IMMP2L: variants seen among roughly 807,000 people sequenced by gnomAD.
The protein encoded by IMMP2L is inner mitochondrial membrane peptidase subunit 2, also known as mitochondrial inner membrane protease subunit 2.
A neutral mutation model predicts 19.3 loss-of-function variants in IMMP2L; 18 were observed. That is an observed-to-expected ratio of 0.93 (90% CI 0.64 to 1.38). IMMP2L has a LOEUF of 1.38. Ranked by LOEUF, IMMP2L falls within the 40% of genes most tolerant of loss-of-function variation. IMMP2L has a pLI of 0.00. For synonymous variants in IMMP2L, 76 were observed against 73.0 expected (o/e 1.04, Z -0.21); for missense variants, 233 against 218.2 (o/e 1.07, Z -0.43).
At chr7:110,759,460 G>T (rs946698242) in intron 5 of IMMP2L, among the ~76,000 whole-genome samples, 2 of 152,086 alleles carry the variant, frequency 1.3e-5, no homozygotes, top group African/African-American at 2.4e-5. Context: ...GAAAGATATG[G>T]ACTAAATGGA....
At chr7:111,207,542 T>A (rs1189704113) in intron 3 of IMMP2L, among the ~76,000 whole-genome samples, 2 of 142,242 alleles carry the variant, frequency 1.4e-5, no homozygotes, top group African/African-American at 5.2e-5. Context: ...TGGTTTTTTT[T>A]TTTTTTTTTT....
intron 3 of IMMP2L, among the ~76,000 whole-genome samples, chr7:111,004,295 C>A (rs971827010): frequency 7.2e-5 from 11 of 152,122 alleles, no homozygotes; most frequent in African/African-American, 2.4e-4. Flanking sequence ...CTCCCCCGCT[C>A]AGCCTCCTGA....
At chr7:110,868,311 A>G (rs1294719607) in intron 5 of IMMP2L, among the ~76,000 whole-genome samples, 1 of 152,042 alleles carries the variant, frequency 6.6e-6, no homozygotes, top group African/African-American at 2.4e-5. Context: ...GAAACAAAAG[A>G]GGCATGAAAT....
At chr7:110,999,947 C>T (rs1336443189) in intron 3 of IMMP2L, among the ~76,000 whole-genome samples, 1 of 152,050 alleles carries the variant, frequency 6.6e-6, no homozygotes, top group Non-Finnish European at 1.5e-5. Context: ...GAGTGAGAAA[C>T]TCCCTCAATT....
At position 111,272,999 on chromosome 7, in the gene IMMP2L, T is replaced by A. The variant is rs570566344; in HGVS notation, c.239+214239A>T. Reference sequence around the variant, plus strand: ...AAACACCTAGATCAAAGTCCAGAAATTAAAAATAGCTCAGCATCCTGTAAT... The same window carrying A: ...AAACACCTAGATCAAAGTCCAGAAAATAAAAATAGCTCAGCATCCTGTAAT... On this transcript the variant is annotated intron_variant, in intron 3 of 5. Coordinates refer to ENST00000405709, the MANE Select transcript of IMMP2L (RefSeq NM_032549.4). 3.3e-5 allele frequency among the ~76,000 whole-genome samples: 5 copies of A among 151,964 alleles called. No individual in the cohort carries two copies. The East Asian group carries it at 9.7e-4, about 29-fold the overall frequency.
At chr7:111,168,528 G>A (rs1375607675) in intron 3 of IMMP2L, among the ~76,000 whole-genome samples, 1 of 151,490 alleles carries the variant, frequency 6.6e-6, no homozygotes, top group African/African-American at 2.4e-5. Flanking sequence ...ATTTTTTGGG[G>A]GCAAATATAC....
intron 5 of IMMP2L, among the ~76,000 whole-genome samples, chr7:110,691,608 A>G (rs1793510206): frequency 6.6e-6 from 1 of 152,096 alleles, no homozygotes. Context: ...CAAACAAATT[A>G]GCAAGAAAAA....
intron 3 of IMMP2L, among the ~76,000 whole-genome samples, chr7:111,103,238 T>C (rs1477343946): frequency 6.6e-6 from 1 of 151,686 alleles, no homozygotes; most frequent in South Asian, 2.1e-4. Context: ...TGCAGATTTA[T>C]GGTTAATAAT....
chr7:110,773,034 T>C (rs1041292453), intron 5 of IMMP2L, among the ~76,000 whole-genome samples: 11 of 152,102 alleles, frequency 7.2e-5, no homozygotes, highest in Non-Finnish European at 1.6e-4. Context: ...CAATTTAACT[T>C]TAAAGCATTG....
intron 3 of IMMP2L, among the ~76,000 whole-genome samples, chr7:111,131,822 C>A (rs1239927762): frequency 6.6e-6 from 1 of 151,586 alleles, no homozygotes; most frequent in Non-Finnish European, 1.5e-5. Context: ...ACTATATATT[C>A]ATATAGTTAA....
intron 4 of IMMP2L, among the ~76,000 whole-genome samples, chr7:110,935,262 G>C (rs1815976204): frequency 6.6e-6 from 1 of 152,150 alleles, no homozygotes. Flanking sequence ...ATGAAGCTTA[G>C]TTTGGGTGAA....
intron 5 of IMMP2L, among the ~76,000 whole-genome samples, chr7:110,742,635 G>A (rs113594700): frequency 7.9e-5 from 12 of 151,924 alleles, no homozygotes; most frequent in African/African-American, 2.7e-4. Context: ...GGGCAGAGTG[G>A]TGGGCACCTG....
chr7:110,981,156 C>G (rs568536037), intron 3 of IMMP2L, among the ~76,000 whole-genome samples: 1 of 151,958 alleles, frequency 6.6e-6, no homozygotes, highest in Non-Finnish European at 1.5e-5. Flanking sequence ...ACTTTCCATA[C>G]TGTGTGTTTG....
intron 2 of IMMP2L, 89 bp downstream of exon 2, chr7:111,521,224 G>A: frequency 7.4e-7 from 1 of 1,359,230 alleles, no homozygotes; most frequent in Non-Finnish European, 1.0e-6. Context: ...TCAGTTCCCA[G>A]AATAGGAATA....
At chr7:111,100,069 T>A (rs1732436343) in intron 3 of IMMP2L, 1 of 151,712 alleles carries the variant, frequency 6.6e-6, no homozygotes. Flanking sequence ...AAGGTCCTGA[T>A]TTGAACCCTG....
chr7:111,541,122 A>G (rs1013754798), intron 1 of IMMP2L, among the ~76,000 whole-genome samples: 2 of 152,154 alleles, frequency 1.3e-5, no homozygotes, highest in Non-Finnish European at 2.9e-5. Flanking sequence ...ATTATCTATG[A>G]TTCTATGATT....
rs1842736430 is a variant in IMMP2L, at chr7:111,487,284, T to G, written c.193A>C (p.Lys65Gln). Residue 65 changes from lysine (K) to glutamine (Q), a missense_variant, in exon 3 of 6, where the codon AAA becomes CAA. Coordinates refer to ENST00000405709, the MANE Select transcript of IMMP2L (RefSeq NM_032549.4). ...CGGTGTACTTCAAAATTCCTCACTT[T>G]CCAGTGGTTCAAAAGCACCACATCA... Reference protein sequence around the residue: ...SSDVVLLNHWKVRNFEVHRGD... With the variant: ...SSDVVLLNHWQVRNFEVHRGD... 1 of 1,610,270 alleles carries G rather than the reference T, an allele frequency of 6.2e-7. No individual in the cohort carries two copies. Among genetic ancestry groups the G allele is most frequent in the Non-Finnish European group, 8.5e-7 (1 of 1,176,792 alleles).
At chr7:110,926,502 A>G (rs1232603677) in intron 4 of IMMP2L, among the ~76,000 whole-genome samples, 1 of 152,146 alleles carries the variant, frequency 6.6e-6, no homozygotes, top group Non-Finnish European at 1.5e-5. Context: ...ATTCTTGTCA[A>G]GAAATATAAT....
chr7:111,111,674 T>A (rs577631850), intron 3 of IMMP2L, among the ~76,000 whole-genome samples: 1 of 151,830 alleles, frequency 6.6e-6, no homozygotes, highest in Non-Finnish European at 1.5e-5. Flanking sequence ...CCTGCGTCAA[T>A]AGTAATTTTA....
Sources: allele counts gnomAD v4.1 joint callset (sites outside exome capture counted in the v4.1 genomes callset), GRCh38; gene constraint gnomAD v4.1.1; transcripts MANE v1.5; gene names NCBI Gene and HGNC (gene_info 2026-07-23, HGNC 2026-07-21).